The following ZSCAN9 variants were observed in gnomAD, a reference collection of about 807,000 sequenced individuals.
ZSCAN9 encodes zinc finger and SCAN domain containing 9.
ZSCAN9 carries 19 observed loss-of-function variants against 23.0 expected under a neutral mutation model. The ratio of observed to expected loss-of-function variants is 0.83; its 90% confidence interval spans 0.58 to 1.21. ZSCAN9 has a LOEUF of 1.21. ZSCAN9 is among the 50% of genes most tolerant of loss of function. The pLI is 0.00. For synonymous variants in ZSCAN9, 155 were observed against 164.8 expected, an observed-to-expected ratio of 0.94 and a Z score of 0.46; for missense variants, 467 against 471.5, an observed-to-expected ratio of 0.99 and a Z score of 0.09.
rs1443137155 is a variant in ZSCAN9, at chr6:28,232,927, T to C, written c.934T>C (p.Cys312Arg). The C allele has an allele frequency of 8.1e-6, 13 of 1,614,052 alleles. No individual in the cohort carries two copies. Among genetic ancestry groups the C allele is most frequent in the Middle Eastern group, 1.6e-4 (1 of 6,084 alleles). The change falls in exon 4 of 4, where the codon TGC becomes CGC. Residue 312 changes from cysteine (C) to arginine (R), a missense_variant. Coordinates refer to ENST00000252207, the MANE Select transcript of ZSCAN9 (RefSeq NM_006299.5). ...CCACAATATACAGAAACGGTACCAC[T>C]GCAAGGAGTGTGGGAAGGTCTTCAG... ...GIHNIQKRYHCKECGKVFSQS... is the reference protein window; with the variant it reads ...GIHNIQKRYHRKECGKVFSQS...
rs781121138 is a variant in ZSCAN9 at position 28,233,094 on chromosome 6, G to C, written c.1101G>C (p.Gln367His). 6.2e-7 allele frequency: 1 copy of C among 1,613,996 alleles called. No homozygotes were observed. Among genetic ancestry groups the C allele is most frequent in the Non-Finnish European group, 8.5e-7 (1 of 1,180,020 alleles). Residue 367 changes from glutamine to histidine, a missense_variant, in exon 4 of 4, where the codon CAG (glutamine) becomes CAC (histidine). Coordinates refer to ENST00000252207, the MANE Select transcript of ZSCAN9 (RefSeq NM_006299.5). ...GCCACACAGGGGAGCGACCTCACCA[G>C]TGCATTGAATGTGGGAAAAGCTTTA... is the stretch of plus-strand genomic sequence containing the variant. ...QRSHTGERPH[Q>H]CIECGKSFNR...
At chr6:28,231,070 AG>A (rs1168652139) in intron 3 of ZSCAN9, among the ~76,000 whole-genome samples, 15 of 152,216 alleles carry the variant, frequency 9.9e-5, no homozygotes. Flanking sequence ...CCTGAAACCA[AG>A]GGTAATACTG....
rs1304491716 is a variant in ZSCAN9, at chr6:28,232,770, T to G, written c.777T>G (p.Cys259Trp). 1 of 1,614,204 alleles carries G rather than the reference T, an allele frequency of 6.2e-7. No homozygotes were observed. The highest frequency in any genetic ancestry group is 1.7e-5 in the Admixed American group (1 of 60,026). The change falls in exon 4 of 4, where the codon TGT becomes TGG. Residue 259 changes from cysteine (C) to tryptophan (W), a missense_variant. Coordinates refer to ENST00000252207, the MANE Select transcript of ZSCAN9 (RefSeq NM_006299.5). Reference sequence around the variant, plus strand: ...AGGGGCAACACAAATGTGATGAATGTGGGAAGAGCTTTACTCAGAGCTCAG... The same window carrying G: ...AGGGGCAACACAAATGTGATGAATGGGGGAAGAGCTTTACTCAGAGCTCAG... ...LGEGQHKCDE[C>W]GKSFTQSSGL...
rs1760194098 is a variant in ZSCAN9 at position 28,228,575 on chromosome 6, T to C, written c.568+738T>C. On this transcript the variant is annotated intron_variant, in intron 3 of 3. Coordinates refer to ENST00000252207, the MANE Select transcript of ZSCAN9 (RefSeq NM_006299.5). ...TCCAAATATAATCATATTGAGGGGT[T>C]AGGACCTCAGCATATGTGAGGGAAT... The C allele has an allele frequency of 1.9e-5, 3 of 155,324 alleles. No individual in the cohort carries two copies. The South Asian group carries it at 6.0e-4, about 31-fold the overall frequency. The allele number at this position is 155,324 out of a possible 1,614,324, so 9.6% of individuals were successfully genotyped here.
chr6:28,227,945 A>G (rs752492690), intron 3 of ZSCAN9, 108 bp downstream of exon 3: 28 of 1,277,442 alleles, frequency 2.2e-5, no homozygotes, highest in Non-Finnish European at 3.0e-5. Flanking sequence ...TCCTTACCAG[A>G]TAGCAGTAAT....
At position 28,227,136 on chromosome 6, in the gene ZSCAN9, G is replaced by T. The variant is rs1176539116; in HGVS notation, c.52G>T (p.Ala18Ser). Residue 18 changes from alanine to serine, a missense_variant, in exon 2 of 4, where the codon GCA becomes TCA. Physicochemically the swap from Ala to Ser is moderately conservative, Grantham distance 99. Transcript: ENST00000252207. ...ATCCCTGGGTGTTCAAGTTCCCGAGGCATGGGAAGAACTTCTGACAATGAA... is the reference window on the plus strand; with the variant it reads ...ATCCCTGGGTGTTCAAGTTCCCGAGTCATGGGAAGAACTTCTGACAATGAA... The part of the protein sequence containing the change: ...VLSLGVQVPE[A>S]WEELLTMKVE... 4 of 1,614,190 alleles carry T rather than the reference G, an allele frequency of 2.5e-6. No individual in the cohort carries two copies. The highest frequency in any genetic ancestry group is 3.4e-6 in the Non-Finnish European group (4 of 1,180,024).
At chr6:28,228,729 C>T (rs1017092178) in intron 3 of ZSCAN9, 1 of 154,416 alleles carries the variant, frequency 6.5e-6, no homozygotes, top group African/African-American at 2.4e-5. Flanking sequence ...CCAGTGCCAC[C>T]CTTGCTGATT....
chr6:28,230,624 C>A (rs1193926462), intron 3 of ZSCAN9: 14 of 704,642 alleles, frequency 2.0e-5, no homozygotes, highest in Non-Finnish European at 3.2e-5. Context: ...GACTATGTGC[C>A]AGGCATGTTT....
At chr6:28,229,974 G>C (rs34024998) in intron 3 of ZSCAN9, among the ~76,000 whole-genome samples, 64,120 of 151,220 alleles carry the variant, frequency 0.42, 14,762 homozygotes, top group African/African-American at 0.61. Flanking sequence ...TCTTCTGTCT[G>C]AGCCTCCCAA....
In ZSCAN9 at chr6:28,227,673, T is replaced by C; in HGVS notation, c.421-17T>C. The C allele has an allele frequency of 1.3e-6, 2 of 1,583,574 alleles. No individual in the cohort carries two copies. The highest frequency in any genetic ancestry group is 4.2e-5 in the Admixed American group (2 of 48,022). ...GTTAATTTCTTCAAAAGTCAAATCT[T>C]GTCTTTTTGTCCCCAGATGGTGGCC... is the stretch of plus-strand genomic sequence containing the variant. On this transcript the variant is annotated splice_polypyrimidine_tract_variant and intron_variant, in intron 2 of 3. Transcript: ENST00000252207.
intron 3 of ZSCAN9, among the ~76,000 whole-genome samples, chr6:28,231,329 C>T (rs1255737262): frequency 1.3e-5 from 2 of 152,206 alleles, no homozygotes; most frequent in Non-Finnish European, 2.9e-5. Flanking sequence ...ATGTGTGCAA[C>T]AGGCAGGCAG....
chr6:28,230,239 T>C (rs1226989449), intron 3 of ZSCAN9: 1 of 1,083,296 alleles, frequency 9.2e-7, no homozygotes, highest in Non-Finnish European at 1.3e-6. Context: ...TATCTGAAAG[T>C]GCTTCATAAG....
chr6:28,230,426 T>C (rs1362235012), intron 3 of ZSCAN9: 3 of 1,536,086 alleles, frequency 2.0e-6, no homozygotes, highest in Middle Eastern at 1.7e-4. Context: ...TCCAAACCTG[T>C]TGTGATCCCC....
At position 28,232,561 on chromosome 6, in the gene ZSCAN9, G is replaced by C; in HGVS notation, c.569-1G>C. 1 of 1,604,664 alleles carries C rather than the reference G, an allele frequency of 6.2e-7. No homozygotes were observed. Among genetic ancestry groups the C allele is most frequent in the Non-Finnish European group, 8.5e-7 (1 of 1,174,288 alleles). ...TTACCTAGCCTTTTTCTTTGTTTCA[G>C]ATGAAGTAACCAAGACTGAGGACAG... On this transcript the variant is annotated splice_acceptor_variant, in intron 3 of 3. Transcript: ENST00000252207. LOFTEE classifies it high-confidence loss of function.
Position 28,232,864 on chromosome 6 carries a change from T to G in ZSCAN9, c.871T>G (p.Phe291Val), listed in dbSNP as rs764339229. The G allele has an allele frequency of 3.1e-6, 5 of 1,614,070 alleles. No homozygotes were observed. Among genetic ancestry groups the G allele is most frequent in the Non-Finnish European group, 3.4e-6 (4 of 1,180,042 alleles). The change falls in exon 4 of 4, where the codon TTC becomes GTC. Residue 291 changes from phenylalanine (F) to valine (V), a missense_variant. By Grantham distance (50) the Phe-to-Val change is conservative. Transcript: ENST00000252207. ...PYECNECGKA[F>V]SRSSGLFNHR... ...TGAATGTAATGAATGTGGGAAAGCC[T>G]TCAGTCGAAGTTCTGGTCTTTTTAA...
At chr6:28,231,377 CAT>C (rs1283456729) in intron 3 of ZSCAN9, among the ~76,000 whole-genome samples, 5 of 152,186 alleles carry the variant, frequency 3.3e-5, no homozygotes, top group African/African-American at 9.7e-5. Flanking sequence ...AAGGAAGACT[CAT>C]GTCCTGGGTG....
chr6:28,226,377 A>G (rs1406607972), intron 1 of ZSCAN9, among the ~76,000 whole-genome samples: 1 of 152,232 alleles, frequency 6.6e-6, no homozygotes, highest in Non-Finnish European at 1.5e-5. Context: ...AGTAAAGTAA[A>G]TGTTGGTTCG....
At chr6:28,229,615 C>G (rs1211840518) in intron 3 of ZSCAN9, among the ~76,000 whole-genome samples, 1 of 152,096 alleles carries the variant, frequency 6.6e-6, no homozygotes, top group Non-Finnish European at 1.5e-5. Flanking sequence ...TTACAAGGAC[C>G]AAATTCAAGT....
chr6:28,232,524 A>T (rs762764711), intron 3 of ZSCAN9, 38 bp from the exon 4 acceptor site: 1 of 1,578,662 alleles, frequency 6.3e-7, no homozygotes, highest in Non-Finnish European at 8.6e-7. Flanking sequence ...AGGCTCAGGG[A>T]ACAAGTGACA....
Sources: allele counts gnomAD v4.1 joint callset (sites outside exome capture counted in the v4.1 genomes callset), GRCh38; gene constraint gnomAD v4.1.1; transcripts MANE v1.5; gene names NCBI Gene and HGNC (gene_info 2026-07-23, HGNC 2026-07-21).